MED12L: variants seen among roughly 807,000 people sequenced by gnomAD.
MED12L encodes mediator complex subunit 12L.
Under a neutral mutation model 281.3 loss-of-function variants are expected in MED12L, and 60 were observed. The ratio of observed to expected loss-of-function variants is 0.21; its 90% confidence interval spans 0.17 to 0.26. MED12L has a LOEUF of 0.26. Ranked by LOEUF, MED12L falls within the 10% of genes least tolerant of loss-of-function variation. The pLI is 1.00. For synonymous variants in MED12L, 974 were observed against 987.2 expected (o/e 0.99, Z 0.25); for missense variants, 2,146 against 2,680.9 (o/e 0.80, Z 4.41).
chr3:151,199,508 G>A, intron 16 of MED12L: 1 of 810,344 alleles, frequency 1.2e-6, no homozygotes, highest in Non-Finnish European at 1.9e-6. Context: ...AAAGACATTG[G>A]TCTTCACAAT....
chr3:151,304,452 T>C (rs1233403842), intron 16 of MED12L, among the ~76,000 whole-genome samples: 2 of 152,112 alleles, frequency 1.3e-5, no homozygotes, highest in African/African-American at 2.4e-5. Flanking sequence ...CGTGCACCTG[T>C]GGTCCCAGCT....
At chr3:151,186,748 C>T (rs1462525453) in intron 12 of MED12L, among the ~76,000 whole-genome samples, 1 of 150,580 alleles carries the variant, frequency 6.6e-6, no homozygotes, top group Non-Finnish European at 1.5e-5. Context: ...CACTCTTTCT[C>T]ACGTCACTGT....
intron 16 of MED12L, among the ~76,000 whole-genome samples, chr3:151,275,326 A>T (rs925951199): frequency 1.3e-4 from 19 of 151,806 alleles, no homozygotes; most frequent in Admixed American, 6.6e-5. Context: ...AGCAGATGTC[A>T]TATAATTGGG....
chr3:151,149,733 A>G (rs1293352336), intron 5 of MED12L, among the ~76,000 whole-genome samples: 3 of 152,234 alleles, frequency 2.0e-5, no homozygotes, highest in African/African-American at 4.8e-5. Context: ...AAACTCTGCT[A>G]CTGTTTCATC....
At chr3:151,128,050 C>T in intron 5 of MED12L, 66 bp downstream of exon 5, 8 of 1,386,270 alleles carry the variant, frequency 5.8e-6, no homozygotes, top group African/African-American at 1.4e-5. Context: ...GTTGCCTGTA[C>T]CCTCTGGATA....
chr3:151,167,212 T>G (rs1473517554), intron 11 of MED12L, among the ~76,000 whole-genome samples: 1 of 152,250 alleles, frequency 6.6e-6, no homozygotes, highest in Non-Finnish European at 1.5e-5. Flanking sequence ...AGCAATAGAT[T>G]GTTTCATGAA....
At chr3:151,403,902 G>C (rs1032399155) in intron 39 of MED12L, among the ~76,000 whole-genome samples, 6 of 152,160 alleles carry the variant, frequency 3.9e-5, no homozygotes, top group African/African-American at 1.4e-4. Flanking sequence ...AAACTTTTCT[G>C]AAAAGACTCA....
intron 16 of MED12L, chr3:151,213,449 A>G: frequency 1.2e-6 from 2 of 1,614,212 alleles, no homozygotes; most frequent in Non-Finnish European, 1.7e-6. Flanking sequence ...ATAGGGTCCA[A>G]GCATACATTT....
At chr3:151,136,698 A>T (rs928334579) in intron 5 of MED12L, among the ~76,000 whole-genome samples, 2 of 152,212 alleles carry the variant, frequency 1.3e-5, no homozygotes, top group African/African-American at 2.4e-5. Flanking sequence ...TGGGAATGGC[A>T]AGATGTAGGC....
chr3:151,327,833 T>C, intron 16 of MED12L: 1 of 543,420 alleles, frequency 1.8e-6, no homozygotes, highest in Non-Finnish European at 3.2e-6. Flanking sequence ...TATGAATAGA[T>C]CTATGTGGAT....
chr3:151,270,545 A>G (rs917418186), intron 16 of MED12L, among the ~76,000 whole-genome samples: 2 of 152,162 alleles, frequency 1.3e-5, no homozygotes, highest in African/African-American at 4.8e-5. Flanking sequence ...TCTGTGTATT[A>G]TGCTCAGAAC....
chr3:151,086,731 C>T (rs2148584591), intron 1 of MED12L, 67 bp from the exon 2 acceptor site: 1 of 508,136 alleles, frequency 2.0e-6, no homozygotes, highest in East Asian at 3.5e-5. Flanking sequence ...GAAGGCTGTC[C>T]CCATCAGTGC....
At chr3:151,241,918 T>A (rs933024527) in intron 16 of MED12L, 4 of 152,344 alleles carry the variant, frequency 2.6e-5, no homozygotes, top group African/African-American at 9.9e-5. Flanking sequence ...CGCAGGTCAG[T>A]GGGTGCGCGA....
intron 16 of MED12L, among the ~76,000 whole-genome samples, chr3:151,307,832 T>TGGAGTGTCA (rs1240922509): frequency 6.6e-6 from 1 of 152,118 alleles, no homozygotes; most frequent in Non-Finnish European, 1.5e-5. Context: ...GCTGGCCTAG[T>TGGAGTGTCA]GGAGTGTCAG....
intron 43 of MED12L, among the ~76,000 whole-genome samples, chr3:151,422,315 G>C (rs939197089): frequency 6.6e-6 from 1 of 152,170 alleles, no homozygotes; most frequent in African/African-American, 2.4e-5. Flanking sequence ...GAAATGTACT[G>C]TCTGTTTTGG....
intron 2 of MED12L, among the ~76,000 whole-genome samples, chr3:151,109,009 G>T (rs1382093181): frequency 6.6e-6 from 1 of 152,090 alleles, no homozygotes; most frequent in Non-Finnish European, 1.5e-5. Context: ...CAAGGTAAAT[G>T]CATGAGATTT....
intron 16 of MED12L, among the ~76,000 whole-genome samples, chr3:151,301,197 C>G (rs1745873087): frequency 6.6e-6 from 1 of 152,252 alleles, no homozygotes; most frequent in South Asian, 2.1e-4. Flanking sequence ...AGGTAAAACT[C>G]TACTTTCTTT....
chr3:151,249,610 A>C (rs1168576720), intron 16 of MED12L, among the ~76,000 whole-genome samples: 1 of 152,136 alleles, frequency 6.6e-6, no homozygotes, highest in Admixed American at 6.5e-5. Flanking sequence ...GACTTGATGC[A>C]TGCCAGTACC....
At chr3:151,116,780 C>T in intron 3 of MED12L, among the ~76,000 whole-genome samples, 1 of 152,138 alleles carries the variant, frequency 6.6e-6, no homozygotes, top group South Asian at 2.1e-4. Flanking sequence ...TGATTGTTTT[C>T]TCATGACGGG....
Sources: gnomAD v4.1 joint callset for allele counts (sites outside exome capture counted in the v4.1 genomes callset) on GRCh38, gnomAD v4.1.1 for gene constraint, MANE v1.5 for transcripts, NCBI Gene and HGNC (gene_info 2026-07-23, HGNC 2026-07-21) for gene names.